Variants in PKHD1 observed in about 807,000 individuals in gnomAD.
The protein encoded by PKHD1 is fibrocystin.
Under a neutral mutation model 412.0 loss-of-function variants are expected in PKHD1, and 291 were observed. The ratio of observed to expected loss-of-function variants is 0.71; its 90% CI spans 0.64 to 0.78. The LOEUF is 0.78. PKHD1 is among the 30% of genes least tolerant of loss of function. PKHD1 has a pLI of 0.00. For missense variants in PKHD1, 4,825 were observed against 4,950.7 expected, an observed-to-expected ratio of 0.97 and a Z score of 0.76; for synonymous variants, 1,777 against 1,821.5, an observed-to-expected ratio of 0.98 and a Z score of 0.62.
chr6:51,930,703 C>A (rs546583178), intron 37 of PKHD1, among the ~76,000 whole-genome samples: 24 of 152,218 alleles, frequency 1.6e-4, no homozygotes, highest in Non-Finnish European at 3.2e-4. Context: ...ATATTAGGAA[C>A]CAAATGTCTG....
At chr6:51,650,049 A>G (rs1770686060) in intron 61 of PKHD1, among the ~76,000 whole-genome samples, 1 of 152,184 alleles carries the variant, frequency 6.6e-6, no homozygotes, top group Admixed American at 6.6e-5. Context: ...GGCTTAAATA[A>G]CTTGCCAAAG....
At chr6:51,709,247 A>G (rs1351716455) in intron 60 of PKHD1, among the ~76,000 whole-genome samples, 1 of 152,234 alleles carries the variant, frequency 6.6e-6, no homozygotes, top group Admixed American at 6.5e-5. Flanking sequence ...GTAGAGTCTC[A>G]GTAAACATTT....
intron 65 of PKHD1, among the ~76,000 whole-genome samples, chr6:51,629,372 A>G (rs1267674353): frequency 6.6e-6 from 1 of 152,190 alleles, no homozygotes; most frequent in East Asian, 1.9e-4. Context: ...TCAAAAAAGC[A>G]AACAATCCCA....
rs571951609 is a variant in PKHD1, at chr6:51,619,362, A to C, written c.11944T>G (p.Cys3982Gly). The change falls in exon 67 of 67, where the codon TGT becomes GGT. Residue 3982 changes from cysteine to glycine, a missense_variant. Coordinates refer to ENST00000371117, the MANE Select transcript of PKHD1 (RefSeq NM_138694.4). ...TTGITSHGHI[C>G]APGAPAQQVY... ...TGCTGAGCAGGAGCACCTGGAGCAC[A>C]GATGTGCCCATGGGATGTGATGCCA... 1 of 1,614,058 alleles carries C rather than the reference A, an allele frequency of 6.2e-7. No individual in the cohort carries two copies. The highest frequency in any genetic ancestry group is 2.2e-5 in the East Asian group (1 of 44,896).
At chr6:51,627,736 G>A (rs1767440324) in intron 65 of PKHD1, among the ~76,000 whole-genome samples, 1 of 152,098 alleles carries the variant, frequency 6.6e-6, no homozygotes, top group Non-Finnish European at 1.5e-5. Flanking sequence ...CCAAAGAATT[G>A]AGACCGGTAC....
chr6:51,958,847 A>G (rs1791569231), intron 36 of PKHD1, among the ~76,000 whole-genome samples: 1 of 151,958 alleles, frequency 6.6e-6, no homozygotes, highest in African/African-American at 2.4e-5. Flanking sequence ...ACAAACACAC[A>G]CACACAAAGA....
Position 51,619,370 on chromosome 6 carries a change from C to T in PKHD1, c.11936G>A (p.Gly3979Glu). The T allele has an allele frequency of 1.2e-6, 2 of 1,613,998 alleles. No homozygotes were observed. Among genetic ancestry groups the T allele is most frequent in the South Asian group, 1.1e-5 (1 of 91,078 alleles). Residue 3979 changes from glycine (G) to glutamate (E), a missense_variant, in exon 67 of 67, where the codon GGG (glycine) becomes GAG (glutamate). Physicochemically the swap from Gly to Glu is moderately conservative, Grantham distance 98. Transcript: ENST00000371117. ...APGTTGITSHGHICAPGAPAQ... is the reference protein window; with the variant it reads ...APGTTGITSHEHICAPGAPAQ... ...AGGAGCACCTGGAGCACAGATGTGC[C>T]CATGGGATGTGATGCCAGTAGTACC...
chr6:51,894,692 T>C (rs968673764), intron 43 of PKHD1, among the ~76,000 whole-genome samples: 3 of 152,216 alleles, frequency 2.0e-5, no homozygotes, highest in African/African-American at 7.2e-5. Context: ...GACTCAGGTA[T>C]GTGAGGAGAG....
chr6:51,958,196 T>C (rs1791439294), intron 36 of PKHD1, among the ~76,000 whole-genome samples: 1 of 152,056 alleles, frequency 6.6e-6, no homozygotes, highest in African/African-American at 2.4e-5. Flanking sequence ...AATCTACTAC[T>C]TAGCCTTACA....
chr6:52,070,292 T>G (rs1810408541), intron 10 of PKHD1, 114 bp downstream of exon 10: 2 of 770,946 alleles, frequency 2.6e-6, no homozygotes, highest in Admixed American at 1.9e-5. Context: ...ACTATTCTGT[T>G]TTTATATGTT....
intron 52 of PKHD1, among the ~76,000 whole-genome samples, chr6:51,830,629 A>T (rs1768075767): frequency 6.6e-6 from 1 of 152,188 alleles, no homozygotes; most frequent in Non-Finnish European, 1.5e-5. Flanking sequence ...TCAGCATGAC[A>T]ATTACTTATT....
At chr6:51,837,366 C>T (rs775689732) in intron 50 of PKHD1, among the ~76,000 whole-genome samples, 1 of 152,144 alleles carries the variant, frequency 6.6e-6, no homozygotes, top group Non-Finnish European at 1.5e-5. Context: ...ACCCTAAACC[C>T]TTTCCTCCAT....
intron 21 of PKHD1, among the ~76,000 whole-genome samples, chr6:52,051,578 T>C (rs2128199791): frequency 6.6e-6 from 1 of 152,206 alleles, no homozygotes; most frequent in South Asian, 2.1e-4. Context: ...CCACCTCACC[T>C]CACCCCTGGA....
chr6:51,806,663 T>C (rs1165348599), intron 52 of PKHD1, among the ~76,000 whole-genome samples: 2 of 151,600 alleles, frequency 1.3e-5, no homozygotes, highest in African/African-American at 4.8e-5. Flanking sequence ...CAAGACAGAA[T>C]GAGAAGAATC....
chr6:51,977,071 C>G (rs1471593174), intron 35 of PKHD1, among the ~76,000 whole-genome samples: 2 of 151,576 alleles, frequency 1.3e-5, no homozygotes, highest in African/African-American at 4.9e-5. Flanking sequence ...TTAGTTTGTT[C>G]AGTGCTTCTC....
chr6:51,679,403 A>G (rs1776319451), intron 60 of PKHD1, among the ~76,000 whole-genome samples: 1 of 151,886 alleles, frequency 6.6e-6, no homozygotes, highest in Admixed American at 6.6e-5. Flanking sequence ...TGGTGAAAGA[A>G]TTAGTCAAAT....
chr6:51,621,164 T>C (rs146813228), intron 66 of PKHD1, among the ~76,000 whole-genome samples: 1 of 152,304 alleles, frequency 6.6e-6, no homozygotes, highest in Non-Finnish European at 1.5e-5. Context: ...TTTCCTTATG[T>C]AACAGTCTCA....
At chr6:51,944,244 C>T (rs183365886) in intron 36 of PKHD1, among the ~76,000 whole-genome samples, 127 of 152,078 alleles carry the variant, frequency 8.4e-4, no homozygotes, top group Middle Eastern at 6.8e-3. Flanking sequence ...GACCCCCACT[C>T]CTACACGCCA....
At chr6:51,667,003 A>G (rs570090634) in intron 60 of PKHD1, among the ~76,000 whole-genome samples, 3 of 149,470 alleles carry the variant, frequency 2.0e-5, no homozygotes, top group East Asian at 2.0e-4. Flanking sequence ...CGCAATAAAC[A>G]TACGTGTGCA....
Sources: gnomAD v4.1 joint callset for allele counts (sites outside exome capture counted in the v4.1 genomes callset) on GRCh38, gnomAD v4.1.1 for gene constraint, MANE v1.5 for transcripts, NCBI Gene and HGNC (gene_info 2026-07-23, HGNC 2026-07-21) for gene names.